Variants in TMEM128 observed in about 807,000 individuals in gnomAD.
TMEM128 encodes transmembrane protein 128.
A neutral mutation model predicts 19.7 loss-of-function variants in TMEM128; 16 were observed. The observed-to-expected ratio is 0.81, with a 90% CI of 0.55 to 1.23. TMEM128 has a LOEUF of 1.23. Ranked by LOEUF, TMEM128 falls within the 50% of genes most tolerant of loss-of-function variation. TMEM128 has a pLI of 0.00. For synonymous variants in TMEM128, 98 were observed against 75.8 expected, an observed-to-expected ratio of 1.29 and a Z score of -1.52; for missense variants, 237 against 200.8, an observed-to-expected ratio of 1.18 and a Z score of -1.09.
intron 2 of TMEM128, among the ~76,000 whole-genome samples, chr4:4,240,844 G>A (rs755914429): frequency 1.3e-5 from 2 of 152,182 alleles, no homozygotes; most frequent in African/African-American, 2.4e-5. Flanking sequence ...TTGGAAGGCC[G>A]AGGCAGGTGG....
intron 3 of TMEM128, among the ~76,000 whole-genome samples, chr4:4,239,973 G>A (rs1262138089): frequency 1.3e-5 from 2 of 152,226 alleles, no homozygotes; most frequent in Non-Finnish European, 2.9e-5. Flanking sequence ...TTCCCAGTGT[G>A]CTGGCTCAGT....
chr4:4,240,461 A>C lies in TMEM128; in HGVS notation c.258T>G (p.Ser86Arg), dbSNP rs1033370438. The change falls in exon 3 of 5, where the codon AGT (serine) becomes AGG (arginine). Residue 86 changes from serine to arginine, a missense_variant. Transcript: ENST00000382753. The part of the protein sequence containing the change: ...FHTSSWFLCG[S>R]ALLLVSLSIA... ...TTGATAAACTGACAAGCAACAAGGC[A>C]CTGCCACAGAGAAACCAGCTGTGGA... 6.2e-7 allele frequency: 1 copy of C among 1,613,396 alleles called. No homozygotes were observed. The highest frequency in any genetic ancestry group is 1.3e-5 in the African/African-American group (1 of 75,012).
chr4:4,235,938 T>C lies in TMEM128; in HGVS notation c.*328A>G, dbSNP rs560121837. The C allele has an allele frequency of 6.6e-6, 1 of 152,508 alleles. No homozygotes were observed. The highest frequency in any genetic ancestry group is 2.1e-4 in the South Asian group (1 of 4,828). 9.4% of individuals were successfully genotyped at this position (152,508 alleles called of 1,614,324 possible). The stretch of plus-strand genomic sequence containing the variant: ...TTGCAAAATAGTACTTCTGTATCAC[T>C]GACTTCTGAAAATTTTAATAATTTA... On this transcript the variant is annotated 3_prime_UTR_variant, in exon 5 of 5. Coordinates refer to ENST00000382753, the MANE Select transcript of TMEM128 (RefSeq NM_001297551.2).
rs772225824 is a variant in TMEM128 at position 4,246,293 on chromosome 4, T to C, written c.148A>G (p.Ile50Val). The change falls in exon 2 of 5, where the codon ATC (isoleucine) becomes GTC (valine). Residue 50 changes from isoleucine (I) to valine (V), a missense_variant. By Grantham distance (29) the Ile-to-Val change is conservative (BLOSUM62 3). Transcript: ENST00000382753. ...KKEKPLPRLN[I>V]HSGFWILASI... ...GCCAAAATCCAGAATCCAGAATGGATATTAAGTCTTGGAAGAGGTTTCTCC... is the reference window on the plus strand; with the variant it reads ...GCCAAAATCCAGAATCCAGAATGGACATTAAGTCTTGGAAGAGGTTTCTCC... The C allele has an allele frequency of 1.5e-5, 24 of 1,612,982 alleles. No homozygotes were observed. The highest frequency in any genetic ancestry group is 6.7e-5 in the Admixed American group (4 of 59,778).
At chr4:4,238,706 A>C (rs751228909) in intron 3 of TMEM128, among the ~76,000 whole-genome samples, 9 of 152,186 alleles carry the variant, frequency 5.9e-5, no homozygotes, top group Non-Finnish European at 1.2e-4. Flanking sequence ...TCATAGAAAG[A>C]ATATGTATAA....
chr4:4,246,069 C>T (rs140640471), intron 2 of TMEM128, 133 bp downstream of exon 2: 28 of 874,560 alleles, frequency 3.2e-5, no homozygotes, highest in South Asian at 4.2e-5. Context: ...TATTCATCTT[C>T]GTATCACCAC....
chr4:4,237,343 G>C (rs1166489423), intron 4 of TMEM128, among the ~76,000 whole-genome samples: 8 of 152,258 alleles, frequency 5.3e-5, no homozygotes, highest in African/African-American at 7.2e-5. Context: ...TACAAATCCT[G>C]TCTTTATGAG....
At chr4:4,236,560 C>T (rs1404343399) in intron 4 of TMEM128, among the ~76,000 whole-genome samples, 4 of 152,150 alleles carry the variant, frequency 2.6e-5, no homozygotes, top group East Asian at 3.8e-4. Context: ...AGGATTCCTC[C>T]GGGCCCAAAG....
At chr4:4,243,970 T>G (rs373448287) in intron 2 of TMEM128, among the ~76,000 whole-genome samples, 1 of 152,168 alleles carries the variant, frequency 6.6e-6, no homozygotes, top group Admixed American at 6.5e-5. Context: ...GGACTAGATA[T>G]CCCTCCTAGA....
chr4:4,238,233 A>G (rs1004553704), intron 3 of TMEM128, among the ~76,000 whole-genome samples: 1 of 152,248 alleles, frequency 6.6e-6, no homozygotes, highest in Non-Finnish European at 1.5e-5. Context: ...TGACTTCAAC[A>G]ATAATTTAAA....
intron 3 of TMEM128, among the ~76,000 whole-genome samples, chr4:4,238,353 A>G (rs1024747461): frequency 2.6e-5 from 4 of 152,246 alleles, no homozygotes; most frequent in Admixed American, 6.5e-5. Context: ...ATAAGCTGCT[A>G]TTATATCTTT....
chr4:4,245,821 C>T (rs1263308778), intron 2 of TMEM128, among the ~76,000 whole-genome samples: 2 of 151,806 alleles, frequency 1.3e-5, no homozygotes, highest in African/African-American at 2.4e-5. Flanking sequence ...TACGTGTATA[C>T]ATATACACAC....
At chr4:4,238,720 T>C (rs1177947142) in intron 3 of TMEM128, among the ~76,000 whole-genome samples, 7 of 152,080 alleles carry the variant, frequency 4.6e-5, no homozygotes, top group Admixed American at 1.3e-4. Flanking sequence ...TGTATAAAGG[T>C]ATATGGTTCT....
Position 4,246,220 on chromosome 4 carries a change from T to G in TMEM128, c.221A>C (p.Glu74Ala). 6.3e-7 allele frequency: 1 copy of G among 1,599,440 alleles called. No homozygotes were observed. Among genetic ancestry groups the G allele is most frequent in the Non-Finnish European group, 8.5e-7 (1 of 1,175,622 alleles). Reference sequence around the variant, plus strand: ...TTCTTACCTGCTAGTGTGGAAGTTTTCTTTAAGGGTTTTAAAGAAGTCAAC... The same window carrying G: ...TTCTTACCTGCTAGTGTGGAAGTTTGCTTTAAGGGTTTTAAAGAAGTCAAC... Reference protein sequence around the residue: ...YYVDFFKTLKENFHTSSWFLC... With the variant: ...YYVDFFKTLKANFHTSSWFLC... The change falls in exon 2 of 5, where the codon GAA becomes GCA. Residue 74 changes from glutamate to alanine, a missense_variant. Glu to Ala is a moderately radical substitution (Grantham distance 107). Coordinates refer to ENST00000382753, the MANE Select transcript of TMEM128 (RefSeq NM_001297551.2).
intron 2 of TMEM128, among the ~76,000 whole-genome samples, chr4:4,244,557 G>T (rs554768457): frequency 1.3e-5 from 2 of 152,198 alleles, no homozygotes; most frequent in Non-Finnish European, 2.9e-5. Flanking sequence ...TCAAGCTGAT[G>T]AAGATTAAAT....
chr4:4,240,500 A>G, intron 2 of TMEM128, 21 bp from the exon 3 acceptor site: 1 of 1,608,238 alleles, frequency 6.2e-7, no homozygotes, highest in Non-Finnish European at 8.5e-7. Context: ...AAAAACAGTA[A>G]GAGGTCTGAC....
At chr4:4,243,026 TATTTTAAACTGTGATTTCTAAAGC>T (rs1266376168) in intron 2 of TMEM128, among the ~76,000 whole-genome samples, 11 of 152,124 alleles carry the variant, frequency 7.2e-5, no homozygotes, top group Non-Finnish European at 2.9e-5. Context: ...ACAAGCCGAG[TATTTTAAACTGTGATTTCTAAAGC>T]ATCACAGTGT....
chr4:4,246,582 T>C (rs1718183817), intron 1 of TMEM128, among the ~76,000 whole-genome samples: 2 of 152,208 alleles, frequency 1.3e-5, no homozygotes, highest in Admixed American at 6.5e-5. Flanking sequence ...AATTTACACT[T>C]TCATCGTCTT....
chr4:4,247,690 T>C, intron 1 of TMEM128: 2 of 1,612,618 alleles, frequency 1.2e-6, no homozygotes, highest in East Asian at 2.2e-5. Context: ...CGACCTGATG[T>C]GTCAGGTATA....
Sources: allele counts gnomAD v4.1 joint callset (sites outside exome capture counted in the v4.1 genomes callset), GRCh38; gene constraint gnomAD v4.1.1; transcripts MANE v1.5; gene names NCBI Gene and HGNC (gene_info 2026-07-23, HGNC 2026-07-21).